DNAH7: variants seen among roughly 807,000 people sequenced by gnomAD.
The protein encoded by DNAH7 is dynein axonemal heavy chain 7, also known as axonemal beta dynein heavy chain 7.
In DNAH7, 397 loss-of-function variants were observed where a neutral mutation model predicts 444.6. The ratio of observed to expected loss-of-function variants is 0.89; its 90% confidence interval spans 0.82 to 0.97. The LOEUF is 0.97. Ranked by LOEUF, DNAH7 falls within the 50% of genes least tolerant of loss-of-function variation. The pLI, the probability that DNAH7 is intolerant of heterozygous loss-of-function variation, is 0.00. For missense variants in DNAH7, 4,902 were observed against 4,800.8 expected (o/e 1.02, Z -0.62); for synonymous variants, 1,636 against 1,624.4 (o/e 1.01, Z -0.17).
chr2:195,977,842 T>C (rs1211334101), intron 15 of DNAH7, among the ~76,000 whole-genome samples: 3 of 152,166 alleles, frequency 2.0e-5, no homozygotes, highest in African/African-American at 7.2e-5. Context: ...TGGCATGACA[T>C]ATTTAAAGTG....
intron 19 of DNAH7, among the ~76,000 whole-genome samples, chr2:195,954,785 T>C (rs980577288): frequency 1.1e-4 from 17 of 152,270 alleles, no homozygotes; most frequent in Non-Finnish European, 2.2e-4. Context: ...CCAGTGATGA[T>C]GAGCATTTTT....
rs761292636 is a variant in DNAH7 at position 196,001,810 on chromosome 2, CT to C, written c.1037del (p.Lys346SerfsTer23). ...QNIYYQGNKK[K>X]QLPTGDSSAK... ...CACTGCTGTCACCAGTTGGCAATTG[CT>C]TTTTTTTATTACCTTGGTAATAAAT... On this transcript the variant is annotated frameshift_variant, in exon 11 of 65. Coordinates refer to ENST00000312428, the MANE Select transcript of DNAH7 (RefSeq NM_018897.3). LOFTEE classifies it high-confidence loss of function. 6.8e-6 allele frequency: 11 copies of C among 1,611,338 alleles called. No homozygotes were observed. In the South Asian group the frequency reaches 8.8e-5, roughly 13 times the overall value.
At chr2:195,780,469 C>G (rs1346439321) in intron 58 of DNAH7, among the ~76,000 whole-genome samples, 1 of 152,040 alleles carries the variant, frequency 6.6e-6, no homozygotes, top group African/African-American at 2.4e-5. Context: ...TTATGCTAGG[C>G]CAGGCGCGGT....
rs557656070 is a variant in DNAH7 at position 196,016,316 on chromosome 2, T to C, written c.869+2854A>G. 2.6e-5 allele frequency among the ~76,000 whole-genome samples: 4 copies of C among 152,300 alleles called. No homozygotes were observed. In the East Asian group the frequency reaches 5.8e-4, roughly 22 times the overall value. On this transcript the variant is annotated intron_variant, in intron 9 of 64. Transcript: ENST00000312428. The stretch of plus-strand genomic sequence containing the variant: ...ACAAACATAATTTGTGAAAGTAATA[T>C]ACTATATTGTATGACCTCATGACTG...
At chr2:195,771,326 T>C (rs1320611599) in intron 61 of DNAH7, among the ~76,000 whole-genome samples, 2 of 151,544 alleles carry the variant, frequency 1.3e-5, no homozygotes, top group African/African-American at 2.4e-5. Context: ...GGTGACAGAG[T>C]GAGACCCCAT....
intron 40 of DNAH7, 42 bp from the exon 41 acceptor site, chr2:195,865,063 A>T (rs769719771): frequency 3.1e-5 from 47 of 1,515,522 alleles, no homozygotes; most frequent in Non-Finnish European, 3.9e-5. Context: ...CTTTCTTCTG[A>T]TTTTTAAGAA....
Position 195,880,008 on chromosome 2 carries a change from T to C in DNAH7, c.5961+1787A>G, listed in dbSNP as rs537992317. Among the ~76,000 whole-genome samples, 159 of 152,302 alleles carry C rather than the reference T, an allele frequency of 1.0e-3. 4 individuals carry two copies. Among genetic ancestry groups the C allele is most frequent in the Non-Finnish European group, 2.0e-3 (133 of 68,016 alleles). ...TTTAACTTACATTTTTAGGTAATCT[T>C]TAAATAGAATACTACGTTTTTTCAT... is the stretch of plus-strand genomic sequence containing the variant. On this transcript the variant is annotated intron_variant, in intron 36 of 64. Coordinates refer to ENST00000312428, the MANE Select transcript of DNAH7 (RefSeq NM_018897.3).
At chr2:195,856,387 A>G (rs1699710800) in intron 44 of DNAH7, among the ~76,000 whole-genome samples, 2 of 152,194 alleles carry the variant, frequency 1.3e-5, no homozygotes, top group African/African-American at 4.8e-5. Flanking sequence ...ACATCAACCA[A>G]AAACAGTTAT....
chr2:195,888,391 C>A lies in DNAH7; in HGVS notation c.5273G>T (p.Gly1758Val). The A allele has an allele frequency of 1.2e-6, 2 of 1,603,138 alleles. No homozygotes were observed. Among genetic ancestry groups the A allele is most frequent in the African/African-American group, 1.3e-5 (1 of 74,218 alleles). ...CCAGGACAACATCAGTGGTCTCCAGCCTAACATGTGAGGCTCCATGTAAAT... is the reference window on the plus strand; with the variant it reads ...CCAGGACAACATCAGTGGTCTCCAGACTAACATGTGAGGCTCCATGTAAAT... Reference protein sequence around the residue: ...GMIYMEPHMLGWRPLMLSWVN... With the variant: ...GMIYMEPHMLVWRPLMLSWVN... Residue 1758 changes from glycine to valine, a missense_variant, in exon 33 of 65, where the codon GGC becomes GTC. Coordinates refer to ENST00000312428, the MANE Select transcript of DNAH7 (RefSeq NM_018897.3).
At chr2:195,943,976 T>C (rs1248818192) in intron 19 of DNAH7, among the ~76,000 whole-genome samples, 1 of 152,158 alleles carries the variant, frequency 6.6e-6, no homozygotes, top group African/African-American at 2.4e-5. Flanking sequence ...TATTCTCTGA[T>C]TCCTTACATA....
At chr2:195,983,204 G>A (rs1280605228) in intron 15 of DNAH7, among the ~76,000 whole-genome samples, 2 of 152,074 alleles carry the variant, frequency 1.3e-5, no homozygotes, top group East Asian at 3.8e-4. Flanking sequence ...AGAATGAAAA[G>A]TAAACAAAAT....
intron 58 of DNAH7, among the ~76,000 whole-genome samples, chr2:195,782,833 C>T (rs939624816): frequency 6.6e-6 from 1 of 152,160 alleles, no homozygotes; most frequent in Non-Finnish European, 1.5e-5. Context: ...CTCTCTCCTA[C>T]CATTGTGTTT....
intron 41 of DNAH7, among the ~76,000 whole-genome samples, chr2:195,863,354 C>A (rs1040631297): frequency 5.3e-5 from 8 of 152,246 alleles, no homozygotes; most frequent in Non-Finnish European, 1.2e-4. Context: ...GATTTTTTAC[C>A]ACACAGGTAG....
chr2:195,883,097 T>G (rs576982347), intron 35 of DNAH7, among the ~76,000 whole-genome samples: 53 of 152,252 alleles, frequency 3.5e-4, no homozygotes, highest in African/African-American at 1.3e-3. Context: ...CCCAAATTCT[T>G]GATAATCTTT....
intron 12 of DNAH7, among the ~76,000 whole-genome samples, chr2:195,989,041 T>C (rs1475221601): frequency 6.6e-6 from 1 of 152,180 alleles, no homozygotes; most frequent in African/African-American, 2.4e-5. Flanking sequence ...CTGAATTGTA[T>C]TCCACTGTGT....
chr2:195,881,915 T>A lies in DNAH7; in HGVS notation c.5841A>T (p.Glu1947Asp). ...TTGTGTCCAGAGTTGGCACAATGATTTCATTAAACATTACATCTTTAGGAA... is the reference window on the plus strand; with the variant it reads ...TTGTGTCCAGAGTTGGCACAATGATATCATTAAACATTACATCTTTAGGAA... ...PPIPKDVMFN[E>D]IIVPTLDTIR... The change falls in exon 36 of 65, where the codon GAA (glutamate) becomes GAT (aspartate). Residue 1947 changes from glutamate (E) to aspartate (D), a missense_variant. By Grantham distance (45) the Glu-to-Asp change is conservative (BLOSUM62 2). Transcript: ENST00000312428. The A allele has an allele frequency of 6.2e-7, 1 of 1,614,018 alleles. No homozygotes were observed. The highest frequency in any genetic ancestry group is 1.1e-5 in the South Asian group (1 of 91,078).
At chr2:195,752,905 C>T (rs192857159) in intron 63 of DNAH7, among the ~76,000 whole-genome samples, 74 of 152,278 alleles carry the variant, frequency 4.9e-4, no homozygotes, top group Non-Finnish European at 9.6e-4. Context: ...AAGTGAGAAC[C>T]TGCAGACAGC....
At chr2:195,767,953 T>A (rs1045406979) in intron 61 of DNAH7, among the ~76,000 whole-genome samples, 9 of 151,788 alleles carry the variant, frequency 5.9e-5, no homozygotes, top group Non-Finnish European at 1.3e-4. Flanking sequence ...AAGACAGAAC[T>A]GGAATGATTG....
In DNAH7 at chr2:195,845,149, C is replaced by T; in HGVS notation, c.8798G>A (p.Trp2933Ter). The change falls in exon 47 of 65, where the codon TGG becomes TAG. Residue 2933 changes from tryptophan to a stop codon, truncating the protein, a stop_gained. Coordinates refer to ENST00000312428, the MANE Select transcript of DNAH7 (RefSeq NM_018897.3). LOFTEE classifies it high-confidence loss of function. ...STYRQNQTKE[W>*]TTLCKGRDIP... ...ATCTCTTCCTTTGCACAAAGTTGTCCACTCTTTAGTTTGATTCTTTAGAAC... is the reference window on the plus strand; with the variant it reads ...ATCTCTTCCTTTGCACAAAGTTGTCTACTCTTTAGTTTGATTCTTTAGAAC... 5.0e-6 allele frequency: 8 copies of T among 1,610,506 alleles called. No individual in the cohort carries two copies. Among genetic ancestry groups the T allele is most frequent in the Non-Finnish European group, 6.8e-6 (8 of 1,178,810 alleles).
Sources: allele counts gnomAD v4.1 joint callset (sites outside exome capture counted in the v4.1 genomes callset), GRCh38; gene constraint gnomAD v4.1.1; transcripts MANE v1.5; gene names NCBI Gene and HGNC (gene_info 2026-07-23, HGNC 2026-07-21).